FMNL1: variants seen among roughly 807,000 people sequenced by gnomAD.
The protein encoded by FMNL1 is formin like 1.
Under a neutral mutation model 121.3 loss-of-function variants are expected in FMNL1, and 43 were observed. The observed-to-expected ratio is 0.35, with a 90% CI of 0.28 to 0.46. FMNL1 has a LOEUF of 0.46. FMNL1 is among the 20% of genes least tolerant of loss of function. The probability of loss-of-function intolerance (pLI) is 1.00; values close to 1 mark genes in which losing one functional copy is unlikely to be tolerated. For missense variants in FMNL1, 1,191 were observed against 1,482.4 expected, an observed-to-expected ratio of 0.80 and a Z score of 3.23; for synonymous variants, 613 against 613.5, an observed-to-expected ratio of 1.00 and a Z score of 0.01.
chr17:45,230,710 C>T (rs766092195), intron 2 of FMNL1, 23 bp downstream of exon 2: 4 of 1,611,148 alleles, frequency 2.5e-6, no homozygotes, highest in East Asian at 2.2e-5. Flanking sequence ...ACTGCCCAGC[C>T]ACCCCTTCCC....
intron 1 of FMNL1, 45 bp downstream of exon 1, chr17:45,222,298 A>G: frequency 8.8e-7 from 1 of 1,135,664 alleles, no homozygotes; most frequent in Non-Finnish European, 1.1e-6. Flanking sequence ...GGGGGGCGGC[A>G]GGGGCGCGGC....
chr17:45,242,545 AG>A, intron 16 of FMNL1, 80 bp downstream of exon 16: 1 of 1,534,906 alleles, frequency 6.5e-7, no homozygotes, highest in Non-Finnish European at 8.8e-7. Context: ...CCCTGGGGGT[AG>A]TCATTTTCTC....
chr17:45,243,604 GCCCAGTTCCCAGTTTCTCTGGATT>G (rs941737272), intron 17 of FMNL1, among the ~76,000 whole-genome samples, 163 bp from the exon 18 acceptor site: 12 of 152,258 alleles, frequency 7.9e-5, no homozygotes, highest in African/African-American at 1.9e-4. Context: ...GACCCTGGCT[GCCCAGTTCCCAGTTTCTCTGGATT>G]CCCAGTTCCC....
intron 1 of FMNL1, among the ~76,000 whole-genome samples, chr17:45,229,190 C>T (rs1014967526): frequency 6.6e-6 from 1 of 152,122 alleles, no homozygotes; most frequent in Non-Finnish European, 1.5e-5. Flanking sequence ...TATTCCACCC[C>T]CTTCAGCCGC....
Position 45,222,055 on chromosome 17 carries a change from C to T in FMNL1, c.-70C>T. Reference sequence around the variant, plus strand: ...CCTCGCCCCCGCCCGGGCCGGGAGCCTCGTCCCCGTCCCCCGGAAAGCTGG... The same window carrying T: ...CCTCGCCCCCGCCCGGGCCGGGAGCTTCGTCCCCGTCCCCCGGAAAGCTGG... On this transcript the variant is annotated 5_prime_UTR_variant, in exon 1 of 27. Coordinates refer to ENST00000331495, the MANE Select transcript of FMNL1 (RefSeq NM_005892.4). The T allele has an allele frequency of 8.9e-7, 1 of 1,119,352 alleles. No individual in the cohort carries two copies. Among genetic ancestry groups the T allele is most frequent in the Non-Finnish European group, 1.1e-6 (1 of 914,010 alleles). 69.3% of individuals were successfully genotyped at this position (1,119,352 alleles called of 1,614,324 possible).
At chr17:45,240,998 C>A in intron 12 of FMNL1, 131 bp from the exon 13 acceptor site, 3 of 1,180,634 alleles carry the variant, frequency 2.5e-6, no homozygotes, top group Non-Finnish European at 3.6e-6. Flanking sequence ...TCGGCCCACC[C>A]TTGGCACCTG....
rs2043241789 is a variant in FMNL1, at chr17:45,222,273, G to A, written c.129+20G>A. 3 of 1,171,388 alleles carry A rather than the reference G, an allele frequency of 2.6e-6. No homozygotes were observed. The highest frequency in any genetic ancestry group is 1.6e-5 in the African/African-American group (1 of 61,782). 72.6% of individuals were successfully genotyped at this position (1,171,388 alleles called of 1,614,324 possible). On this transcript the variant is annotated intron_variant, in intron 1 of 26. Coordinates refer to ENST00000331495, the MANE Select transcript of FMNL1 (RefSeq NM_005892.4). ...GCCCTGGTGAGTGCGACCCGGAGGC[G>A]GGTCGGGCGCGGGCGGGGGGCGGCA...
Position 45,232,405 on chromosome 17 carries a change from C to T in FMNL1, c.252C>T (p.Ile84=). ...FQVKNPPAAY[I]QKLKSYVDTG... ...TCAAGAATCCCCCCGCAGCCTACATCCAGAAGCTGAAGAGCTATGTGGATA... is the reference window on the plus strand; with the variant it reads ...TCAAGAATCCCCCCGCAGCCTACATTCAGAAGCTGAAGAGCTATGTGGATA... The change falls in exon 3 of 27, where the codon ATC becomes ATT. Residue 84 remains isoleucine (I), a synonymous_variant. Coordinates refer to ENST00000331495, the MANE Select transcript of FMNL1 (RefSeq NM_005892.4). 1 of 1,613,852 alleles carries T rather than the reference C, an allele frequency of 6.2e-7. No individual in the cohort carries two copies. Among genetic ancestry groups the T allele is most frequent in the Non-Finnish European group, 8.5e-7 (1 of 1,179,912 alleles).
In FMNL1 at chr17:45,241,510, GT is replaced by G; in HGVS notation, c.1463del (p.Leu488Ter). On this transcript the variant is annotated frameshift_variant, in exon 14 of 27. Transcript: ENST00000331495. LOFTEE classifies it high-confidence loss of function. The surrounding 1 kb of genome is among the most constrained non-coding windows in gnomAD (Gnocchi z 7.0). The part of the protein sequence containing the change: ...LKVEELEEKG[L>X]IRILRGPGDA... Reference sequence around the variant, plus strand: ...AGGTGGAGGAGCTGGAGGAGAAGGGGTTAATCCGTATTCTGCGGGGGCCGGG... The same window carrying G: ...AGGTGGAGGAGCTGGAGGAGAAGGGGTAATCCGTATTCTGCGGGGGCCGGG... The G allele has an allele frequency of 6.3e-7, 1 of 1,581,596 alleles. No homozygotes were observed. The highest frequency in any genetic ancestry group is 8.6e-7 in the Non-Finnish European group (1 of 1,164,844).
At chr17:45,232,323 G>A (rs2043455985) in intron 2 of FMNL1, 44 bp from the exon 3 acceptor site, 1 of 1,573,950 alleles carries the variant, frequency 6.4e-7, no homozygotes. Context: ...TTGCCCTGGG[G>A]TAGCTCTGGC....
intron 18 of FMNL1, 44 bp downstream of exon 18, chr17:45,244,069 G>A: frequency 6.3e-7 from 1 of 1,599,158 alleles, no homozygotes. Context: ...GGAGGGGATG[G>A]GCAGGAGGCA....
chr17:45,238,897 A>T, intron 10 of FMNL1, 58 bp from the exon 11 acceptor site: 1 of 1,420,916 alleles, frequency 7.0e-7, no homozygotes, highest in Non-Finnish European at 1.0e-6. Flanking sequence ...TGGAGGTGGA[A>T]GGCATTGAGC....
In FMNL1 at chr17:45,245,299, C is replaced by T. The variant is rs1292362781; in HGVS notation, c.2775C>T (p.Gly925=). ...VLADVRSLQR[G]LELTQREFVR... is the part of the protein sequence containing the mutation. ...CGGACGTGCGCTCCCTGCAGCGAGG[C>T]CTAGAGTTGACACAGAGAGAGTTTG... The change falls in exon 22 of 27, where the codon GGC becomes GGT. Residue 925 remains glycine (G), a synonymous_variant. Transcript: ENST00000331495. 3 of 1,614,090 alleles carry T rather than the reference C, an allele frequency of 1.9e-6. No homozygotes were observed. In the African/African-American group the frequency reaches 4.0e-5, roughly 22 times the overall value.
chr17:45,232,267 C>T, intron 2 of FMNL1, 100 bp from the exon 3 acceptor site: 2 of 1,035,048 alleles, frequency 1.9e-6, no homozygotes, highest in South Asian at 1.4e-5. Flanking sequence ...AGCCTGGGAC[C>T]TCAGATCGGA....
At position 45,222,031 on chromosome 17, in the gene FMNL1, C is replaced by T. The variant is rs2043235837; in HGVS notation, c.-94C>T. 6 of 1,031,200 alleles carry T rather than the reference C, an allele frequency of 5.8e-6. No homozygotes were observed. Among genetic ancestry groups the T allele is most frequent in the Non-Finnish European group, 7.2e-6 (6 of 833,522 alleles). 63.9% of individuals were successfully genotyped at this position (1,031,200 alleles called of 1,614,324 possible). On this transcript the variant is annotated 5_prime_UTR_variant, in exon 1 of 27. Coordinates refer to ENST00000331495, the MANE Select transcript of FMNL1 (RefSeq NM_005892.4). ...CGCCGCCACCGCCAGCCGCTGCCCC[C>T]TCGCCCCCGCCCGGGCCGGGAGCCT...
At chr17:45,240,417 A>G (rs1337715387) in intron 11 of FMNL1, 59 bp from the exon 12 acceptor site, 2 of 1,492,518 alleles carry the variant, frequency 1.3e-6, no homozygotes, top group Non-Finnish European at 9.0e-7. Context: ...GGTGGTTTGG[A>G]AAGACTCCCC....
chr17:45,224,876 C>T (rs996965057), intron 1 of FMNL1, among the ~76,000 whole-genome samples: 1 of 152,244 alleles, frequency 6.6e-6, no homozygotes. Context: ...GGTGGGAACA[C>T]CAGCCAGCGG....
At position 45,240,591 on chromosome 17, in the gene FMNL1, A is replaced by AGGAACT. The variant is rs1356318692; in HGVS notation, c.1197_1198insGAACTG (p.Glu399_His400insGluLeu). The AGGAACT allele has an allele frequency of 1.9e-6, 3 of 1,613,856 alleles. No homozygotes were observed. The highest frequency in any genetic ancestry group is 8.5e-7 in the Non-Finnish European group (1 of 1,179,952). On this transcript the variant is annotated inframe_insertion, in exon 12 of 27. Coordinates refer to ENST00000331495, the MANE Select transcript of FMNL1 (RefSeq NM_005892.4). ...ACAGAGACCAAGAACGCTGTGCTGG[A>AGGAACT]GCACATGGAGGAACTGCAGGAGCAA...
intron 1 of FMNL1, 21 bp downstream of exon 1, chr17:45,222,274 G>A: frequency 8.5e-7 from 1 of 1,171,552 alleles, no homozygotes; most frequent in Non-Finnish European, 1.1e-6. Flanking sequence ...CCCGGAGGCG[G>A]GTCGGGCGCG....
Sources: allele counts gnomAD v4.1 joint callset (sites outside exome capture counted in the v4.1 genomes callset), GRCh38; gene constraint gnomAD v4.1.1; non-coding constraint Gnocchi (gnomAD v3.1); transcripts MANE v1.5; gene names NCBI Gene and HGNC (gene_info 2026-07-23, HGNC 2026-07-21).